The following SETX variants were observed in gnomAD, a reference collection of about 807,000 sequenced individuals.
SETX encodes helicase senataxin.
SETX carries 90 observed loss-of-function variants against 227.2 expected under a neutral mutation model. The ratio of observed to expected loss-of-function variants is 0.40; its 90% CI spans 0.33 to 0.47. The LOEUF is 0.47. Among genes scored for constraint, SETX ranks in the 20% least tolerant of loss-of-function variants. The pLI is 0.91. For synonymous variants in SETX, 1,210 were observed against 1,113.2 expected (o/e 1.09, Z -1.73); for missense variants, 3,052 against 3,181.5 (o/e 0.96, Z 0.98).
intron 11 of SETX, 28 bp downstream of exon 11, chr9:132,311,729 A>G (rs1411351887): frequency 1.4e-6 from 2 of 1,438,468 alleles, no homozygotes; most frequent in Non-Finnish European, 2.0e-6. Flanking sequence ...TATATCATAT[A>G]TTCCAAGTTG....
intron 14 of SETX, among the ~76,000 whole-genome samples, 152 bp downstream of exon 14, chr9:132,296,734 AC>A (rs1413696611): frequency 6.6e-6 from 1 of 151,972 alleles, no homozygotes; most frequent in African/African-American, 2.4e-5. Context: ...TCCCTCTGCC[AC>A]CCTTTTCTCT....
chr9:132,325,799 G>A (rs1351229692), intron 10 of SETX, among the ~76,000 whole-genome samples: 4 of 151,868 alleles, frequency 2.6e-5, no homozygotes, highest in Non-Finnish European at 5.9e-5. Flanking sequence ...AGGCCTGGTG[G>A]CGCAGGCCTG....
At position 132,329,218 on chromosome 9, in the gene SETX, C is replaced by T. The variant is rs1554821436; in HGVS notation, c.2380G>A (p.Val794Ile). Residue 794 changes from valine (V) to isoleucine (I), a missense_variant, in exon 10 of 26, where the codon GTA (valine) becomes ATA (isoleucine). Val to Ile is a conservative substitution (Grantham distance 29). Coordinates refer to ENST00000224140, the MANE Select transcript of SETX (RefSeq NM_015046.7). ...KDEICAKLSH[V>I]IKKQHRKSTL... ...CTCTTCCTGTGTTGCTTCTTTATTA[C>T]ATGTGATAACTTTGCACAGATTTCA... is the stretch of plus-strand genomic sequence containing the variant. The T allele has an allele frequency of 2.5e-6, 4 of 1,613,830 alleles. No homozygotes were observed. Among genetic ancestry groups the T allele is most frequent in the Non-Finnish European group, 3.4e-6 (4 of 1,179,938 alleles).
intron 22 of SETX, among the ~76,000 whole-genome samples, chr9:132,275,844 G>A (rs1030862816): frequency 2.0e-5 from 3 of 152,146 alleles, no homozygotes; most frequent in African/African-American, 7.2e-5. Flanking sequence ...TGCTTTACAT[G>A]TATGATCTTC....
intron 13 of SETX, among the ~76,000 whole-genome samples, 184 bp downstream of exon 13, chr9:132,297,896 C>T (rs1844763373): frequency 6.6e-6 from 1 of 152,162 alleles, no homozygotes; most frequent in African/African-American, 2.4e-5. Context: ...TGTACTGTAC[C>T]TTTTCCTGAA....
chr9:132,341,703 T>A (rs1324364669), intron 5 of SETX, among the ~76,000 whole-genome samples: 1 of 152,204 alleles, frequency 6.6e-6, no homozygotes, highest in Non-Finnish European at 1.5e-5. Flanking sequence ...GCAACCTTCT[T>A]TCACAGGCAA....
At chr9:132,346,754 C>T (rs1589784585) in intron 3 of SETX, among the ~76,000 whole-genome samples, 1 of 149,926 alleles carries the variant, frequency 6.7e-6, no homozygotes, top group East Asian at 1.9e-4. Flanking sequence ...GAGTTCGAGA[C>T]CAGCCTGGGT....
intron 7 of SETX, among the ~76,000 whole-genome samples, chr9:132,333,114 C>A (rs1369679010): frequency 6.6e-6 from 1 of 150,436 alleles, no homozygotes; most frequent in Non-Finnish European, 1.5e-5. Context: ...CGTGGTGGCT[C>A]ATGCTTGTAA....
intron 11 of SETX, among the ~76,000 whole-genome samples, chr9:132,305,089 C>T (rs1189528212): frequency 1.3e-5 from 2 of 151,998 alleles, no homozygotes; most frequent in Non-Finnish European, 2.9e-5. Flanking sequence ...GTGGCTCACG[C>T]CTCACCTGTA....
intron 15 of SETX, among the ~76,000 whole-genome samples, chr9:132,291,694 G>A (rs908773050): frequency 2.0e-5 from 3 of 152,208 alleles, no homozygotes; most frequent in African/African-American, 7.2e-5. Context: ...CCGTAAGGGA[G>A]CAAGGCTGGG....
At chr9:132,353,075 CA>C (rs1229940109) in intron 2 of SETX, among the ~76,000 whole-genome samples, 2 of 152,186 alleles carry the variant, frequency 1.3e-5, no homozygotes, top group Non-Finnish European at 2.9e-5. Context: ...ATTCCTCCTC[CA>C]AAATGCTGCC....
At position 132,326,628 on chromosome 9, in the gene SETX, T is replaced by C. The variant is rs567825753; in HGVS notation, c.4970A>G (p.Asn1657Ser). ...ATTCGGAGACTGAGGATGAAGAACA[T>C]TGCACGAATTCTTCATTTCACCAAC... Reference protein sequence around the residue: ...KPVGEMKNSCNVLHPQSPNNS... With the variant: ...KPVGEMKNSCSVLHPQSPNNS... Residue 1657 changes from asparagine (N) to serine (S), a missense_variant, in exon 10 of 26, where the codon AAT becomes AGT. Coordinates refer to ENST00000224140, the MANE Select transcript of SETX (RefSeq NM_015046.7). 8.7e-6 allele frequency: 14 copies of C among 1,614,192 alleles called. No homozygotes were observed. The Admixed American group carries it at 1.0e-4, about 12-fold the overall frequency.
At chr9:132,352,754 A>G (rs1048083588) in intron 2 of SETX, among the ~76,000 whole-genome samples, 1 of 152,248 alleles carries the variant, frequency 6.6e-6, no homozygotes. Context: ...CTCTACTCAC[A>G]TATCTGACAG....
At chr9:132,319,094 C>G (rs2131386338) in intron 10 of SETX, among the ~76,000 whole-genome samples, 1 of 152,322 alleles carries the variant, frequency 6.6e-6, no homozygotes, top group East Asian at 1.9e-4. Flanking sequence ...TAACCAGATG[C>G]TTAAGCCAAA....
At chr9:132,306,044 A>C (rs899972060) in intron 11 of SETX, among the ~76,000 whole-genome samples, 1 of 152,214 alleles carries the variant, frequency 6.6e-6, no homozygotes, top group Admixed American at 6.5e-5. Flanking sequence ...CAATTCCTCC[A>C]AAGCAAATCC....
intron 22 of SETX, among the ~76,000 whole-genome samples, 180 bp from the exon 23 acceptor site, chr9:132,275,600 A>G (rs1382187270): frequency 6.6e-6 from 1 of 152,242 alleles, no homozygotes; most frequent in African/African-American, 2.4e-5. Flanking sequence ...TATGGTATAT[A>G]TGAATAAATG....
At chr9:132,268,004 G>C (rs754451874) in intron 25 of SETX, among the ~76,000 whole-genome samples, 23 of 152,156 alleles carry the variant, frequency 1.5e-4, no homozygotes, top group Non-Finnish European at 2.8e-4. Flanking sequence ...TCATTTACTT[G>C]TCAGGTTTAA....
In SETX at chr9:132,277,156, T is replaced by TAAAA; in HGVS notation, c.6843-8_6843-5dup. The TAAAA allele has an allele frequency of 2.0e-6, 3 of 1,472,496 alleles. No homozygotes were observed. Among genetic ancestry groups the TAAAA allele is most frequent in the Non-Finnish European group, 2.8e-6 (3 of 1,067,838 alleles). 91.2% of individuals were successfully genotyped at this position (1,472,496 alleles called of 1,614,324 possible). A position where few individuals can be genotyped will look rare whatever the true frequency, so the allele number is the denominator to read the frequency against. ...ACATCGAATGGCTTCTGTCTGTCTGTAAAAAAAAAAAAGCAGTCAACATTC... is the reference window on the plus strand; with the variant it reads ...ACATCGAATGGCTTCTGTCTGTCTGTAAAAAAAAAAAAAAAAGCAGTCAACATTC... On this transcript the variant is annotated splice_region_variant and splice_polypyrimidine_tract_variant and intron_variant, in intron 21 of 25. Transcript: ENST00000224140.
At chr9:132,272,646 G>C (rs1842956914) in intron 23 of SETX, among the ~76,000 whole-genome samples, 1 of 152,244 alleles carries the variant, frequency 6.6e-6, no homozygotes, top group African/African-American at 2.4e-5. Flanking sequence ...AGGTTAGCCT[G>C]AATTTCCTCC....
Sources: gnomAD v4.1 joint callset for allele counts (sites outside exome capture counted in the v4.1 genomes callset) on GRCh38, gnomAD v4.1.1 for gene constraint, MANE v1.5 for transcripts, NCBI Gene and HGNC (gene_info 2026-07-23, HGNC 2026-07-21) for gene names.